The following TSPAN9 variants were observed in gnomAD, a reference collection of about 807,000 sequenced individuals.
TSPAN9 encodes tetraspanin-9.
TSPAN9 carries 16 observed loss-of-function variants against 31.0 expected under a neutral mutation model. That is an observed-to-expected ratio of 0.52 (90% CI 0.35 to 0.78). The LOEUF (loss-of-function observed/expected upper bound fraction) is 0.78, where lower values mean the gene tolerates loss of function less well. TSPAN9 is among the 30% of genes least tolerant of loss of function. The pLI, the probability that TSPAN9 is intolerant of heterozygous loss-of-function variation, is 0.01. For synonymous variants in TSPAN9, 145 were observed against 121.6 expected (o/e 1.19, Z -1.27); for missense variants, 272 against 312.5 (o/e 0.87, Z 0.98).
At chr12:3,230,462 G>A (rs1416155518) in intron 3 of TSPAN9, among the ~76,000 whole-genome samples, 4 of 152,100 alleles carry the variant, frequency 2.6e-5, no homozygotes, top group African/African-American at 9.7e-5. Context: ...CAAGAAGGTA[G>A]TGTTTTCTAT....
intron 2 of TSPAN9, among the ~76,000 whole-genome samples, chr12:3,186,358 G>A (rs2098361304): frequency 6.6e-6 from 1 of 152,188 alleles, no homozygotes; most frequent in Non-Finnish European, 1.5e-5. Flanking sequence ...GAATGGGGTG[G>A]TCAGGGAAGG....
intron 2 of TSPAN9, among the ~76,000 whole-genome samples, chr12:3,136,980 G>GA (rs1213906615): frequency 1.3e-5 from 2 of 152,172 alleles, no homozygotes; most frequent in East Asian, 3.9e-4. Flanking sequence ...CTTCGGGTGT[G>GA]GAAGGGCATT....
intron 3 of TSPAN9, among the ~76,000 whole-genome samples, chr12:3,218,999 G>A (rs2098382851): frequency 1.3e-5 from 2 of 152,198 alleles, no homozygotes; most frequent in South Asian, 4.1e-4. Flanking sequence ...CACTCTTGCT[G>A]GATGTCTGTT....
intron 3 of TSPAN9, among the ~76,000 whole-genome samples, chr12:3,251,752 C>G (rs1264010677): frequency 6.6e-6 from 1 of 152,224 alleles, no homozygotes; most frequent in African/African-American, 2.4e-5. Flanking sequence ...CACCAGCTGT[C>G]AGCCCCTGGA....
At chr12:3,116,881 G>A (rs986479696) in intron 2 of TSPAN9, among the ~76,000 whole-genome samples, 2 of 152,098 alleles carry the variant, frequency 1.3e-5, no homozygotes, top group African/African-American at 4.8e-5. Flanking sequence ...CTCTGTGGCC[G>A]CCCTTGGACG....
chr12:3,197,366 G>A (rs2098367565), intron 2 of TSPAN9, among the ~76,000 whole-genome samples: 1 of 152,164 alleles, frequency 6.6e-6, no homozygotes, highest in Admixed American at 6.5e-5. Context: ...CAGCCCTGAT[G>A]CTACATCAGG....
intron 2 of TSPAN9, among the ~76,000 whole-genome samples, chr12:3,112,705 G>T (rs2098319750): frequency 1.8e-5 from 2 of 109,690 alleles, no homozygotes; most frequent in South Asian, 3.4e-4. Context: ...TGGAGACAGA[G>T]TCTCACTCTG....
At chr12:3,152,597 C>CTTTTTTTTTTTT (rs367668971) in intron 2 of TSPAN9, among the ~76,000 whole-genome samples, 10,267 of 150,702 alleles carry the variant, frequency 0.068, 409 homozygotes, top group Non-Finnish European at 0.087. Context: ...TCTTTTCTTT[C>CTTTTTTTTTTTT]TTTTTTGAGA....
At chr12:3,081,844 G>GTGTGTGTGTGTGTGTGTGTATA (rs57812985) in intron 1 of TSPAN9, among the ~76,000 whole-genome samples, 10 of 116,770 alleles carry the variant, frequency 8.6e-5, no homozygotes, top group Non-Finnish European at 1.7e-4. Context: ...GTCTGTGTGT[G>GTGTGTGTGTGTGTGTGTGTATA]TATATATATG....
At chr12:3,211,387 A>G (rs73252686) in intron 3 of TSPAN9, among the ~76,000 whole-genome samples, 6,928 of 152,118 alleles carry the variant, frequency 0.046, 326 homozygotes, top group African/African-American at 0.12. Context: ...ATAAGTCTCA[A>G]TATCTGGTAG....
intron 3 of TSPAN9, among the ~76,000 whole-genome samples, chr12:3,254,476 G>A (rs537418910): frequency 2.6e-5 from 4 of 152,148 alleles, no homozygotes; most frequent in Admixed American, 1.3e-4. Context: ...CACCAACCTT[G>A]TGCCCGATCC....
intron 2 of TSPAN9, among the ~76,000 whole-genome samples, chr12:3,198,821 A>G (rs1228869556): frequency 1.1e-4 from 2 of 18,494 alleles, no homozygotes; most frequent in Non-Finnish European, 5.1e-4. Flanking sequence ...AGCACAGCTC[A>G]CCACCAGCAC....
chr12:3,242,883 G>GCTGCACCACACCTCACACGTGTTCC (rs2098397337), intron 3 of TSPAN9, among the ~76,000 whole-genome samples: 1 of 152,216 alleles, frequency 6.6e-6, no homozygotes, highest in African/African-American at 2.4e-5. Flanking sequence ...CCCTCTGGTG[G>GCTGCACCACACCTCACACGTGTTCC]CTGCACCACA....
At chr12:3,272,556 G>A (rs539098203) in intron 3 of TSPAN9, among the ~76,000 whole-genome samples, 6 of 151,692 alleles carry the variant, frequency 4.0e-5, no homozygotes, top group Admixed American at 2.0e-4. Flanking sequence ...GCGCCCGGCC[G>A]TGTGTGTGTG....
At chr12:3,232,586 G>A (rs952696375) in intron 3 of TSPAN9, among the ~76,000 whole-genome samples, 5 of 152,224 alleles carry the variant, frequency 3.3e-5, no homozygotes, top group African/African-American at 1.2e-4. Context: ...GGAATCACCT[G>A]GGAAGGTTGC....
chr12:3,263,302 C>G (rs1862483607), intron 3 of TSPAN9, among the ~76,000 whole-genome samples: 3 of 152,236 alleles, frequency 2.0e-5, no homozygotes, highest in Admixed American at 2.0e-4. Context: ...GTGAGTGACA[C>G]CCAGGATGAC....
chr12:3,155,362 G>A (rs2098341705), intron 2 of TSPAN9, among the ~76,000 whole-genome samples: 1 of 152,216 alleles, frequency 6.6e-6, no homozygotes, highest in Non-Finnish European at 1.5e-5. Context: ...GGAATGCTGG[G>A]CAGAGACTGT....
intron 3 of TSPAN9, among the ~76,000 whole-genome samples, chr12:3,267,700 C>A (rs894557190): frequency 6.6e-6 from 1 of 152,206 alleles, no homozygotes; most frequent in African/African-American, 2.4e-5. Flanking sequence ...TTTCTCAGAC[C>A]CGTCTGACAA....
chr12:3,116,333 G>T (rs1162573082), intron 2 of TSPAN9, among the ~76,000 whole-genome samples: 1 of 152,188 alleles, frequency 6.6e-6, no homozygotes, highest in African/African-American at 2.4e-5. Context: ...TCCTCTCTGA[G>T]TCACAGTTTT....
Sources: allele counts gnomAD v4.1 joint callset (sites outside exome capture counted in the v4.1 genomes callset), GRCh38; gene constraint gnomAD v4.1.1; transcripts MANE v1.5; gene names NCBI Gene and HGNC (gene_info 2026-07-23, HGNC 2026-07-21).